TBL1XR1: variants seen among roughly 807,000 people sequenced by gnomAD.
TBL1XR1 encodes F-box-like/WD repeat-containing protein TBL1XR1.
TBL1XR1 carries 5 observed loss-of-function variants against 66.9 expected under a neutral mutation model. The ratio of observed to expected loss-of-function variants is 0.07; its 90% confidence interval spans 0.04 to 0.16. TBL1XR1 has a LOEUF of 0.16. TBL1XR1 is among the 10% of genes least tolerant of loss of function. The pLI is 1.00. For missense variants in TBL1XR1, 238 were observed against 623.2 expected (o/e 0.38, Z 6.58); for synonymous variants, 210 against 206.0 (o/e 1.02, Z -0.17).
intron 1 of TBL1XR1, among the ~76,000 whole-genome samples, chr3:177,106,449 A>G (rs1480815590): frequency 6.6e-6 from 1 of 152,144 alleles, no homozygotes; most frequent in Non-Finnish European, 1.5e-5. Flanking sequence ...CTTCTGCAGT[A>G]CCTTTGTGCA....
At chr3:177,171,865 G>A (rs1733558672) in intron 1 of TBL1XR1, among the ~76,000 whole-genome samples, 1 of 152,086 alleles carries the variant, frequency 6.6e-6, no homozygotes. Flanking sequence ...AAAAATCAAA[G>A]GACAGAGCAT....
At chr3:177,063,062 G>A (rs1403794948) in intron 3 of TBL1XR1, among the ~76,000 whole-genome samples, 1 of 151,680 alleles carries the variant, frequency 6.6e-6, no homozygotes, top group Non-Finnish European at 1.5e-5. Flanking sequence ...TGAACCCGCC[G>A]CCGAGATCAC....
intron 3 of TBL1XR1, among the ~76,000 whole-genome samples, chr3:177,061,134 A>C (rs1349886634): frequency 6.6e-6 from 1 of 152,224 alleles, no homozygotes; most frequent in Non-Finnish European, 1.5e-5. Flanking sequence ...TTCTTTAATT[A>C]GTTTTGATGA....
chr3:177,192,963 G>A (rs1736353955), intron 1 of TBL1XR1, among the ~76,000 whole-genome samples: 1 of 151,954 alleles, frequency 6.6e-6, no homozygotes, highest in Non-Finnish European at 1.5e-5. Context: ...GACCAGCCTG[G>A]CCAACATGCT....
intron 1 of TBL1XR1, among the ~76,000 whole-genome samples, chr3:177,196,740 C>CA (rs1238996311): frequency 1.0e-5 from 1 of 98,918 alleles, no homozygotes; most frequent in African/African-American, 3.4e-5. Flanking sequence ...AAGCCTCCCC[C>CA]CCCAAACACA....
At chr3:177,147,396 C>T (rs1388417029) in intron 1 of TBL1XR1, among the ~76,000 whole-genome samples, 1 of 152,158 alleles carries the variant, frequency 6.6e-6, no homozygotes, top group Non-Finnish European at 1.5e-5. Context: ...TGCTGCAGAA[C>T]ATAGTTTGAA....
chr3:177,036,160 G>T (rs887600546), intron 12 of TBL1XR1, among the ~76,000 whole-genome samples: 1 of 152,186 alleles, frequency 6.6e-6, no homozygotes, highest in Non-Finnish European at 1.5e-5. Context: ...AAGAAGATAT[G>T]TGTCTATTTC....
chr3:177,082,011 C>T (rs1286872420), intron 2 of TBL1XR1, among the ~76,000 whole-genome samples: 1 of 152,082 alleles, frequency 6.6e-6, no homozygotes, highest in Non-Finnish European at 1.5e-5. Context: ...TTGTTCACCA[C>T]TAAATTTCTA....
At chr3:177,045,459 G>A (rs1716197068) in intron 10 of TBL1XR1, among the ~76,000 whole-genome samples, 1 of 152,108 alleles carries the variant, frequency 6.6e-6, no homozygotes, top group South Asian at 2.1e-4. Context: ...CAAGCTGAAT[G>A]TCTGGGTGTG....
Position 177,090,204 on chromosome 3 carries a change from T to C in TBL1XR1, c.-46+8262A>G, listed in dbSNP as rs188774822. Among the ~76,000 whole-genome samples the C allele has an allele frequency of 3.3e-5, 5 of 152,342 alleles. 1 individual carries two copies. Among genetic ancestry groups the C allele is most frequent in the South Asian group, 2.1e-4 (1 of 4,830 alleles). ...TCTCCAGAATATTTAAGAATACCCATGGATTTGTTTACATTTGAGCAAGAT... is the reference window on the plus strand; with the variant it reads ...TCTCCAGAATATTTAAGAATACCCACGGATTTGTTTACATTTGAGCAAGAT... On this transcript the variant is annotated intron_variant, in intron 2 of 15. Coordinates refer to ENST00000457928, the MANE Select transcript of TBL1XR1 (RefSeq NM_024665.7).
At chr3:177,174,434 TATG>T (rs1456580342) in intron 1 of TBL1XR1, among the ~76,000 whole-genome samples, 51 of 134,358 alleles carry the variant, frequency 3.8e-4, no homozygotes, top group Non-Finnish European at 5.9e-4. Flanking sequence ...AAAAAAAGGT[TATG>T]ATGATGACAA....
intron 1 of TBL1XR1, among the ~76,000 whole-genome samples, chr3:177,182,889 A>G (rs1029533254): frequency 5.8e-4 from 89 of 152,220 alleles, no homozygotes; most frequent in Admixed American, 3.9e-3. Context: ...AAGAAACTTT[A>G]TATAATGGTC....
intron 1 of TBL1XR1, among the ~76,000 whole-genome samples, chr3:177,178,979 T>G (rs1734476844): frequency 6.6e-6 from 1 of 151,802 alleles, no homozygotes; most frequent in Non-Finnish European, 1.5e-5. Context: ...TAGCCGGGTG[T>G]GGTGGCGGGT....
At chr3:177,179,437 G>A (rs1052598090) in intron 1 of TBL1XR1, among the ~76,000 whole-genome samples, 9 of 152,168 alleles carry the variant, frequency 5.9e-5, no homozygotes, top group African/African-American at 1.4e-4. Flanking sequence ...ACACGCTGGA[G>A]CACAACCAAG....
chr3:177,037,149 CAT>C (rs779300932), intron 12 of TBL1XR1, among the ~76,000 whole-genome samples: 2 of 152,206 alleles, frequency 1.3e-5, no homozygotes, highest in Non-Finnish European at 2.9e-5. Context: ...AATGGTGATA[CAT>C]AGTCATACCA....
chr3:177,051,688 C>A lies in TBL1XR1; in HGVS notation c.243G>T (p.Leu81=). 1 of 1,606,494 alleles carries A rather than the reference C, an allele frequency of 6.2e-7. No individual in the cohort carries two copies. Among genetic ancestry groups the A allele is most frequent in the Non-Finnish European group, 8.5e-7 (1 of 1,174,916 alleles). Residue 81 remains leucine (L), a synonymous_variant, in exon 5 of 16, where the codon CTG becomes CTT. Coordinates refer to ENST00000457928, the MANE Select transcript of TBL1XR1 (RefSeq NM_024665.7). ...CAGGCATTACGGCATCTATCAGGGA[C>A]AGAGACTCTATTGGTCGACCATCAA... ...TLFDGRPIES[L]SLIDAVMPDV...
Position 177,019,769 on chromosome 3 carries a change from T to C in TBL1XR1, c.*5729A>G, listed in dbSNP as rs997854455. 1 of 152,118 alleles carries C rather than the reference T, an allele frequency of 6.6e-6. No individual in the cohort carries two copies. The highest frequency in any genetic ancestry group is 2.4e-5 in the African/African-American group (1 of 41,436). 9.4% of individuals were successfully genotyped at this position (152,118 alleles called of 1,614,324 possible). A position where few individuals can be genotyped will look rare whatever the true frequency, so the allele number is the denominator to read the frequency against. On this transcript the variant is annotated 3_prime_UTR_variant, in exon 16 of 16. Transcript: ENST00000457928. ...TCCCTCAAGCTTATAAGGATTCTAA[T>C]CCTTAGGAGTCCAACCCTTTTTGGA...
chr3:177,040,418 G>C (rs1346898310), intron 10 of TBL1XR1, among the ~76,000 whole-genome samples: 1 of 152,186 alleles, frequency 6.6e-6, no homozygotes, highest in South Asian at 2.1e-4. Flanking sequence ...GGAAAACAAA[G>C]CCACAAACTC....
intron 1 of TBL1XR1, among the ~76,000 whole-genome samples, chr3:177,156,713 G>T (rs1438608584): frequency 6.6e-6 from 1 of 152,000 alleles, no homozygotes; most frequent in Non-Finnish European, 1.5e-5. Context: ...AAAGATGTAT[G>T]AATGTCCTCA....
Sources: allele counts gnomAD v4.1 joint callset (sites outside exome capture counted in the v4.1 genomes callset), GRCh38; gene constraint gnomAD v4.1.1; transcripts MANE v1.5; gene names NCBI Gene and HGNC (gene_info 2026-07-23, HGNC 2026-07-21).